Variants in SLC26A5 observed in about 807,000 individuals in gnomAD.
The protein encoded by SLC26A5 is prestin.
SLC26A5 carries 51 observed loss-of-function variants against 81.0 expected under a neutral mutation model. The ratio of observed to expected loss-of-function variants is 0.63; its 90% CI spans 0.50 to 0.80. The LOEUF is 0.80. Among genes scored for constraint, SLC26A5 ranks in the 30% least tolerant of loss-of-function variants. The pLI, the probability that SLC26A5 is intolerant of heterozygous loss-of-function variation, is 0.00. For synonymous variants in SLC26A5, 325 were observed against 332.8 expected, an observed-to-expected ratio of 0.98 and a Z score of 0.25; for missense variants, 771 against 905.8, an observed-to-expected ratio of 0.85 and a Z score of 1.91.
At chr7:103,399,506 C>T (rs889364935) in intron 8 of SLC26A5, among the ~76,000 whole-genome samples, 5 of 152,198 alleles carry the variant, frequency 3.3e-5, no homozygotes, top group Non-Finnish European at 7.3e-5. Flanking sequence ...CTACGCCAGC[C>T]AGTTGTTTCC....
At chr7:103,400,646 C>T (rs1407428418) in intron 8 of SLC26A5, among the ~76,000 whole-genome samples, 1 of 152,192 alleles carries the variant, frequency 6.6e-6, no homozygotes, top group Non-Finnish European at 1.5e-5. Context: ...TTGCCCATGC[C>T]TATGTCCTGA....
At chr7:103,375,898 G>T (rs1419710379) in intron 19 of SLC26A5, among the ~76,000 whole-genome samples, 1 of 151,974 alleles carries the variant, frequency 6.6e-6, no homozygotes, top group Non-Finnish European at 1.5e-5. Context: ...TGGGACTAAA[G>T]TCATGCGCCA....
rs900447619 is a variant in SLC26A5, at chr7:103,386,134, T to C, written c.1514+2874A>G. Among the ~76,000 whole-genome samples, 19 of 152,012 alleles carry C rather than the reference T, an allele frequency of 1.2e-4. 1 individual carries two copies. The highest frequency in any genetic ancestry group is 2.8e-4 in the Non-Finnish European group (19 of 68,006). ...TTAGTAGAGACAGGGTTTTACCATGTTGGTCAGGCTAGTCTTGAACACCTG... is the reference window on the plus strand; with the variant it reads ...TTAGTAGAGACAGGGTTTTACCATGCTGGTCAGGCTAGTCTTGAACACCTG... On this transcript the variant is annotated intron_variant, in intron 14 of 19. Coordinates refer to ENST00000306312, the MANE Select transcript of SLC26A5 (RefSeq NM_198999.3).
chr7:103,413,208 T>A, intron 4 of SLC26A5, 96 bp from the exon 5 acceptor site: 1 of 825,410 alleles, frequency 1.2e-6, no homozygotes, highest in Non-Finnish European at 2.0e-6. Flanking sequence ...GATGAACGAG[T>A]GAAGCCCATC....
At chr7:103,401,002 C>A (rs977336433) in intron 8 of SLC26A5, among the ~76,000 whole-genome samples, 14 of 152,176 alleles carry the variant, frequency 9.2e-5, no homozygotes, top group African/African-American at 3.4e-4. Flanking sequence ...CGTGTTGCAT[C>A]CAGCTTTGTT....
At chr7:103,363,235 A>G in intron 19 of SLC26A5, 7 of 827,634 alleles carry the variant, frequency 8.5e-6, no homozygotes, top group Non-Finnish European at 1.3e-5. Context: ...TTTTATTAAA[A>G]TTCTCACTTG....
At chr7:103,441,681 C>A (rs1329266561) in intron 2 of SLC26A5, among the ~76,000 whole-genome samples, 3 of 152,182 alleles carry the variant, frequency 2.0e-5, no homozygotes, top group Non-Finnish European at 2.9e-5. Context: ...TAAACACTGG[C>A]ATGGATACTC....
intron 8 of SLC26A5, among the ~76,000 whole-genome samples, chr7:103,400,110 G>C (rs1208158451): frequency 6.6e-6 from 1 of 151,684 alleles, no homozygotes; most frequent in African/African-American, 2.4e-5. Flanking sequence ...TGGGTCAAAT[G>C]GTATTTCTAG....
chr7:103,374,132 G>T, downstream of SLC26A5: 1 of 1,149,502 alleles, frequency 8.7e-7, no homozygotes. Context: ...TAAATTTTTC[G>T]ATGCTTAGCT....
rs1824478029 is a variant in SLC26A5 at position 103,411,444 on chromosome 7, C to T, written c.546G>A (p.Val182=). 2 of 1,614,184 alleles carry T rather than the reference C, an allele frequency of 1.2e-6. No homozygotes were observed. The highest frequency in any genetic ancestry group is 1.7e-6 in the Non-Finnish European group (2 of 1,180,026). The change falls in exon 6 of 20, where the codon GTG becomes GTA. Residue 182 remains valine, a synonymous_variant. Coordinates refer to ENST00000306312, the MANE Select transcript of SLC26A5 (RefSeq NM_198999.3). ...DALRVKVAMS[V]TLLSGIIQFC... ...CCTGAATGATTCCTGAAAGTAAGGT[C>T]ACAGACATGGCGACTTTCACTCTCA...
chr7:103,379,437 A>G, intron 15 of SLC26A5, 102 bp from the exon 16 acceptor site: 1 of 758,388 alleles, frequency 1.3e-6, no homozygotes, highest in Non-Finnish European at 2.3e-6. Flanking sequence ...AGAAGTTGCT[A>G]AGGTCCCCTT....
chr7:103,353,972 G>A (rs1819878579), intron 19 of SLC26A5: 1 of 1,572,686 alleles, frequency 6.4e-7, no homozygotes, highest in Admixed American at 1.7e-5. Flanking sequence ...AGTCCTTTCA[G>A]TGTCTACAAA....
At chr7:103,421,742 T>C (rs1825368780) in intron 2 of SLC26A5, among the ~76,000 whole-genome samples, 175 bp from the exon 3 acceptor site, 1 of 152,146 alleles carries the variant, frequency 6.6e-6, no homozygotes, top group Admixed American at 6.6e-5. Context: ...TCAAAATCAA[T>C]TAAAAAAACG....
intron 6 of SLC26A5, 150 bp from the exon 7 acceptor site, chr7:103,410,699 C>T (rs1824416558): frequency 1.4e-6 from 1 of 720,288 alleles, no homozygotes; most frequent in Admixed American, 2.3e-5. Context: ...GGCACAGTCT[C>T]AGCTCACTGC....
chr7:103,404,127 G>A (rs751147762), intron 8 of SLC26A5, among the ~76,000 whole-genome samples: 1 of 151,952 alleles, frequency 6.6e-6, no homozygotes, highest in Non-Finnish European at 1.5e-5. Flanking sequence ...AAGTTGCAGT[G>A]AACCGAGATC....
intron 2 of SLC26A5, among the ~76,000 whole-genome samples, chr7:103,423,709 T>C (rs568206094): frequency 1.2e-4 from 19 of 152,180 alleles, no homozygotes; most frequent in Non-Finnish European, 2.5e-4. Flanking sequence ...ACCTGGCCCT[T>C]ACCAGCTGGT....
At chr7:103,427,916 G>T (rs1250505060) in intron 2 of SLC26A5, among the ~76,000 whole-genome samples, 1 of 150,862 alleles carries the variant, frequency 6.6e-6, no homozygotes, top group Non-Finnish European at 1.5e-5. Context: ...GCAGTGGTGC[G>T]ATCTTGGCTC....
intron 19 of SLC26A5, among the ~76,000 whole-genome samples, chr7:103,375,464 T>C (rs979382326): frequency 2.0e-5 from 3 of 152,218 alleles, no homozygotes; most frequent in African/African-American, 7.2e-5. Context: ...CCGTCAGTAA[T>C]GTCTGAGAGA....
chr7:103,433,111 G>T (rs1361586528), intron 2 of SLC26A5, among the ~76,000 whole-genome samples: 1 of 152,090 alleles, frequency 6.6e-6, no homozygotes, highest in East Asian at 1.9e-4. Context: ...GGTCTTTAGA[G>T]CTCCAGGCTT....
Sources: allele counts gnomAD v4.1 joint callset (sites outside exome capture counted in the v4.1 genomes callset), GRCh38; gene constraint gnomAD v4.1.1; transcripts MANE v1.5; gene names NCBI Gene and HGNC (gene_info 2026-07-23, HGNC 2026-07-21).